The following CCDC110 variants were observed in gnomAD, a reference collection of about 807,000 sequenced individuals.
CCDC110 encodes the protein coiled-coil domain-containing protein 110.
Under a neutral mutation model 77.1 loss-of-function variants are expected in CCDC110, and 70 were observed. That is an observed-to-expected ratio of 0.91 (90% confidence interval 0.75 to 1.11). The LOEUF (loss-of-function observed/expected upper bound fraction) is 1.11, where lower values mean the gene tolerates loss of function less well. Among genes scored for constraint, CCDC110 ranks in the 50% least tolerant of loss-of-function variants. The pLI is 0.00. For synonymous variants in CCDC110, 295 were observed against 312.5 expected, an observed-to-expected ratio of 0.94 and a Z score of 0.59; for missense variants, 868 against 942.9, an observed-to-expected ratio of 0.92 and a Z score of 1.04.
At chr4:185,462,966 G>C in intron 3 of CCDC110, 28 bp downstream of exon 3, 1 of 1,579,070 alleles carries the variant, frequency 6.3e-7, no homozygotes, top group Middle Eastern at 1.7e-4. Context: ...CAGAATTTTG[G>C]AGATGATAAA....
chr4:185,465,148 T>C (rs779985693), intron 2 of CCDC110, among the ~76,000 whole-genome samples: 7 of 152,370 alleles, frequency 4.6e-5, no homozygotes, highest in Non-Finnish European at 1.0e-4. Flanking sequence ...GAAGATAGGA[T>C]ATCATTCTCA....
Position 185,469,552 on chromosome 4 carries a change from G to A in CCDC110, c.115+1393C>T, listed in dbSNP as rs112107647. 1.6e-4 allele frequency among the ~76,000 whole-genome samples: 25 copies of A among 152,290 alleles called. 1 individual carries two copies. The highest frequency in any genetic ancestry group is 5.5e-4 in the African/African-American group (23 of 41,550). On this transcript the variant is annotated intron_variant, in intron 2 of 6. Coordinates refer to ENST00000307588, the MANE Select transcript of CCDC110 (RefSeq NM_152775.4). ...TACATGCTCTCTTTGAGGTAAATAC[G>A]GAGCTACCTCAATGTCTCAACTCTC...
intron 6 of CCDC110, chr4:185,449,642 T>G: frequency 6.5e-7 from 1 of 1,535,246 alleles, no homozygotes; most frequent in South Asian, 1.2e-5. Context: ...ACCATCCTAT[T>G]AGCAACTGGA....
intron 6 of CCDC110, chr4:185,449,965 C>T (rs926950540): frequency 6.4e-5 from 13 of 204,554 alleles, no homozygotes; most frequent in South Asian, 3.1e-4. Flanking sequence ...AGGGGAGGAG[C>T]GGAAGAGACT....
At chr4:185,460,316 G>A in intron 5 of CCDC110, 78 bp from the exon 6 acceptor site, 1 of 1,112,834 alleles carries the variant, frequency 9.0e-7, no homozygotes, top group Non-Finnish European at 1.3e-6. Context: ...ATTTTGTGGA[G>A]GGTTTATTTA....
At chr4:185,466,783 T>G (rs1028801822) in intron 2 of CCDC110, among the ~76,000 whole-genome samples, 5 of 151,992 alleles carry the variant, frequency 3.3e-5, no homozygotes, top group African/African-American at 1.2e-4. Flanking sequence ...TCTAACATGC[T>G]TGTTTGCTGC....
intron 6 of CCDC110, chr4:185,457,226 G>T (rs2095637155): frequency 2.2e-6 from 1 of 455,562 alleles, no homozygotes; most frequent in Non-Finnish European, 4.4e-6. Context: ...AGCAGTCTTG[G>T]AAGACAGAGT....
Position 185,470,975 on chromosome 4 carries a change from C to G in CCDC110, c.85G>C (p.Gly29Arg). The G allele has an allele frequency of 6.2e-7, 1 of 1,611,026 alleles. No homozygotes were observed. The highest frequency in any genetic ancestry group is 1.1e-5 in the South Asian group (1 of 90,886). Reference protein sequence around the residue: ...SASKILNSSEGVKESGCSDTE... With the variant: ...SASKILNSSERVKESGCSDTE... The stretch of plus-strand genomic sequence containing the variant: ...TCACTGCAGCCACTTTCCTTCACCC[C>G]CTCCGAAGAATTTAGGATCTTGGAC... The change falls in exon 2 of 7, where the codon GGG (glycine) becomes CGG (arginine). Residue 29 changes from glycine (G) to arginine (R), a missense_variant. By Grantham distance (125) the Gly-to-Arg change is moderately radical. Coordinates refer to ENST00000307588, the MANE Select transcript of CCDC110 (RefSeq NM_152775.4).
At chr4:185,460,985 G>T in intron 5 of CCDC110, 64 bp downstream of exon 5, 1 of 822,352 alleles carries the variant, frequency 1.2e-6, no homozygotes, top group South Asian at 1.4e-5. Flanking sequence ...AAAGTGAAAT[G>T]AACTGATGGT....
chr4:185,445,898 A>G (rs1561145481), intron 6 of CCDC110, among the ~76,000 whole-genome samples: 1 of 152,012 alleles, frequency 6.6e-6, no homozygotes, highest in African/African-American at 2.4e-5. Flanking sequence ...CTGGGGTACA[A>G]TGGCGTGATC....
rs138489313 is a variant in CCDC110 at position 185,458,571 on chromosome 4, G to A, written c.2016C>T (p.Ala672=). The change falls in exon 6 of 7, where the codon GCC becomes GCT. Residue 672 remains alanine (A), a synonymous_variant. Transcript: ENST00000307588. Reference sequence around the variant, plus strand: ...TTATTTCTTGCAGAAAATTCTCTTCGGCAGTAGATTGGTAGGTTTGAATAT... The same window carrying A: ...TTATTTCTTGCAGAAAATTCTCTTCAGCAGTAGATTGGTAGGTTTGAATAT... ...IENIQTYQST[A]EENFLQEIKN... 41 of 1,607,480 alleles carry A rather than the reference G, an allele frequency of 2.6e-5. No individual in the cohort carries two copies. In the East Asian group the frequency reaches 3.6e-4, roughly 14 times the overall value.
chr4:185,445,486 G>C lies in CCDC110; in HGVS notation c.*16C>G, dbSNP rs376247233. On this transcript the variant is annotated 3_prime_UTR_variant, in exon 7 of 7. Coordinates refer to ENST00000307588, the MANE Select transcript of CCDC110 (RefSeq NM_152775.4). Reference sequence around the variant, plus strand: ...GCTATTTCTCGAAGGGAGTTTCTTAGCAATCTTGAGGAATCCTAATGATGC... The same window carrying C: ...GCTATTTCTCGAAGGGAGTTTCTTACCAATCTTGAGGAATCCTAATGATGC... 1 of 1,554,542 alleles carries C rather than the reference G, an allele frequency of 6.4e-7. No homozygotes were observed. The highest frequency in any genetic ancestry group is 1.4e-5 in the African/African-American group (1 of 73,074).
At chr4:185,453,759 T>C (rs1164694464) in intron 6 of CCDC110, among the ~76,000 whole-genome samples, 1 of 151,368 alleles carries the variant, frequency 6.6e-6, no homozygotes, top group Non-Finnish European at 1.5e-5. Flanking sequence ...CTGCCCACAC[T>C]CATCTCCAAC....
At position 185,459,245 on chromosome 4, in the gene CCDC110, GT is replaced by G. The variant is rs2095641511; in HGVS notation, c.1341del (p.Glu447AspfsTer7). ...TTAAGGTTTAGATTTTCACTCTCCA[GT>G]TCCATTACTTTTTTCTGTATCTGCA... ...ESVQIQKKVM[E>X]LESENLNLKS... On this transcript the variant is annotated frameshift_variant, in exon 6 of 7. Transcript: ENST00000307588. LOFTEE classifies it high-confidence loss of function. 1.2e-6 allele frequency: 2 copies of G among 1,611,384 alleles called. No homozygotes were observed. Among genetic ancestry groups the G allele is most frequent in the African/African-American group, 2.7e-5 (2 of 74,766 alleles).
At chr4:185,461,368 A>C (rs1455199301) in intron 4 of CCDC110, among the ~76,000 whole-genome samples, 5 of 152,234 alleles carry the variant, frequency 3.3e-5, no homozygotes, top group Non-Finnish European at 7.3e-5. Flanking sequence ...TATAATCAGA[A>C]GCAATTTAGT....
At position 185,459,930 on chromosome 4, in the gene CCDC110, A is replaced by C. The variant is rs2095642974; in HGVS notation, c.657T>G (p.Ile219Met). The change falls in exon 6 of 7, where the codon ATT becomes ATG. Residue 219 changes from isoleucine to methionine, a missense_variant. Coordinates refer to ENST00000307588, the MANE Select transcript of CCDC110 (RefSeq NM_152775.4). Reference protein sequence around the residue: ...PNVMSQADTVILDKSKITVPF... With the variant: ...PNVMSQADTVMLDKSKITVPF... ...GCACAGTAATTTTGGATTTATCCAG[A>C]ATTACTGTATCAGCTTGAGACATCA... 6.2e-7 allele frequency: 1 copy of C among 1,613,908 alleles called. No homozygotes were observed. Among genetic ancestry groups the C allele is most frequent in the Admixed American group, 1.7e-5 (1 of 60,010 alleles).
At chr4:185,453,696 C>T (rs1331307393) in intron 6 of CCDC110, among the ~76,000 whole-genome samples, 2 of 151,944 alleles carry the variant, frequency 1.3e-5, no homozygotes, top group Non-Finnish European at 2.9e-5. Flanking sequence ...AGGCATATGC[C>T]ACCACACCTG....
intron 6 of CCDC110, among the ~76,000 whole-genome samples, chr4:185,451,144 G>A (rs2095628581): frequency 6.6e-6 from 1 of 152,172 alleles, no homozygotes; most frequent in African/African-American, 2.4e-5. Flanking sequence ...CTGCCACCAT[G>A]CAAGATGTGC....
At position 185,459,205 on chromosome 4, in the gene CCDC110, G is replaced by A. The variant is rs1470465370; in HGVS notation, c.1382C>T (p.Pro461Leu). Residue 461 changes from proline (P) to leucine (L), a missense_variant, in exon 6 of 7, where the codon CCT becomes CTT. Transcript: ENST00000307588. The stretch of plus-strand genomic sequence containing the variant: ...GAGAGATTGTGTGGTAAAGATAAGA[G>A]GTTTCATTTTGGACTTAAGGTTTAG... The part of the protein sequence containing the change: ...ENLNLKSKMK[P>L]LIFTTQSLIQ... 1 of 1,603,632 alleles carries A rather than the reference G, an allele frequency of 6.2e-7. No homozygotes were observed. Among genetic ancestry groups the A allele is most frequent in the South Asian group, 1.1e-5 (1 of 88,130 alleles).
Sources: allele counts gnomAD v4.1 joint callset (sites outside exome capture counted in the v4.1 genomes callset), GRCh38; gene constraint gnomAD v4.1.1; transcripts MANE v1.5; gene names NCBI Gene and HGNC (gene_info 2026-07-23, HGNC 2026-07-21).